SCN1A: variants seen among roughly 807,000 people sequenced by gnomAD.
The protein encoded by SCN1A is sodium voltage-gated channel alpha subunit 1, also known as sodium channel protein type 1 subunit alpha.
A neutral mutation model predicts 193.7 loss-of-function variants in SCN1A; 13 were observed. The observed-to-expected ratio is 0.07, with a 90% CI of 0.04 to 0.11. The LOEUF is 0.11. Ranked by LOEUF, SCN1A falls within the 10% of genes least tolerant of loss-of-function variation. The pLI is 1.00. For synonymous variants in SCN1A, 781 were observed against 843.6 expected, an observed-to-expected ratio of 0.93 and a Z score of 1.29; for missense variants, 1,432 against 2,451.1, an observed-to-expected ratio of 0.58 and a Z score of 8.78.
At chr2:166,040,651 G>A (rs1454247080) in intron 16 of SCN1A, among the ~76,000 whole-genome samples, 1 of 152,144 alleles carries the variant, frequency 6.6e-6, no homozygotes, top group Non-Finnish European at 1.5e-5. Flanking sequence ...AATAATTTAT[G>A]TTTTTGAAGC....
chr2:166,106,900 T>TG (rs1459495081), intron 2 of SCN1A, among the ~76,000 whole-genome samples: 1 of 152,132 alleles, frequency 6.6e-6, no homozygotes, highest in Non-Finnish European at 1.5e-5. Context: ...AAAAATGCTT[T>TG]AAGTGCCCAA....
At chr2:165,993,913 A>G in intron 28 of SCN1A, 1 of 567,132 alleles carries the variant, frequency 1.8e-6, no homozygotes, top group East Asian at 2.8e-5. Flanking sequence ...GTTCAAATGA[A>G]TGAGGTTTTA....
intron 8 of SCN1A, among the ~76,000 whole-genome samples, chr2:166,052,206 G>A (rs1241362650): frequency 6.6e-6 from 1 of 151,964 alleles, no homozygotes; most frequent in Non-Finnish European, 1.5e-5. Context: ...ATCCCATTAT[G>A]TCGAGATAGA....
At chr2:166,089,130 T>A (rs1183804253) in intron 2 of SCN1A, among the ~76,000 whole-genome samples, 1 of 152,138 alleles carries the variant, frequency 6.6e-6, no homozygotes, top group Admixed American at 6.6e-5. Flanking sequence ...CAACCTGTCA[T>A]CTACATTGAG....
intron 1 of SCN1A, among the ~76,000 whole-genome samples, chr2:166,141,600 A>G (rs542053088): frequency 4.9e-4 from 75 of 152,252 alleles, no homozygotes; most frequent in Non-Finnish European, 9.7e-4. Flanking sequence ...AAGTTACATA[A>G]TTTATCTCTA....
At chr2:166,086,923 C>G (rs1328503931) in intron 2 of SCN1A, among the ~76,000 whole-genome samples, 1 of 152,122 alleles carries the variant, frequency 6.6e-6, no homozygotes, top group Non-Finnish European at 1.5e-5. Flanking sequence ...TCCAGCACAT[C>G]TGTCACAGCA....
chr2:166,033,361 A>T (rs765244775), intron 19 of SCN1A, among the ~76,000 whole-genome samples: 3 of 152,146 alleles, frequency 2.0e-5, no homozygotes, highest in Non-Finnish European at 4.4e-5. Flanking sequence ...AGGTGGCAAA[A>T]GCTTCATTTA....
In SCN1A at chr2:166,024,978, A is replaced by G. The variant is rs924201292; in HGVS notation, c.3430-9251T>C. ...CTTTTGCCTATTTTTCTATTGGAGT[A>G]TTAGTGTTCTTATTTGATTGCAATT... is the stretch of plus-strand genomic sequence containing the variant. On this transcript the variant is annotated intron_variant, in intron 19 of 28. Transcript: ENST00000674923. Among the ~76,000 whole-genome samples, 4 of 152,190 alleles carry G rather than the reference A, an allele frequency of 2.6e-5. No homozygotes were observed. In the East Asian group the frequency reaches 5.8e-4, roughly 22 times the overall value.
At chr2:166,035,956 G>T in intron 19 of SCN1A, 92 bp downstream of exon 19, 7 of 1,326,744 alleles carry the variant, frequency 5.3e-6, no homozygotes, top group Non-Finnish European at 7.4e-6. Flanking sequence ...AAAATCTTAA[G>T]TCAAAACATC....
In SCN1A at chr2:166,012,151, A is replaced by G. The variant is rs1303080207; in HGVS notation, c.3837T>C (p.Tyr1279=). 3 of 1,610,260 alleles carry G rather than the reference A, an allele frequency of 1.9e-6. No homozygotes were observed. The South Asian group carries it at 3.3e-5, about 18-fold the overall frequency. Residue 1279 remains tyrosine, a synonymous_variant, in exon 22 of 29, where the codon TAT becomes TAC. Coordinates refer to ENST00000674923, the MANE Select transcript of SCN1A (RefSeq NM_001165963.4). ...CCAGCCAACACCAGGCATTGGTGAAATATGTTTGATAGCCATATGCCACCC... is the reference window on the plus strand; with the variant it reads ...CCAGCCAACACCAGGCATTGGTGAAGTATGTTTGATAGCCATATGCCACCC... ...LKWVAYGYQT[Y]FTNAWCWLDF...
At position 165,992,340 on chromosome 2, in the gene SCN1A, T is replaced by G; in HGVS notation, c.4935A>C (p.Arg1645=). Reference sequence around the variant, plus strand: ...TTGCTCCTTTGATCAGACGTAGGATTCGGCCAATCCTAGCAAGACGGATCA... The same window carrying G: ...TTGCTCCTTTGATCAGACGTAGGATGCGGCCAATCCTAGCAAGACGGATCA... ...FRVIRLARIG[R]ILRLIKGAKG... is the part of the protein sequence containing the mutation. Residue 1645 remains arginine, a synonymous_variant, in exon 29 of 29, where the codon CGA becomes CGC. Transcript: ENST00000674923. This position sits in a 1 kb window ranked among gnomAD's most constrained non-coding sequence, Gnocchi z 6.5. 2 of 1,613,706 alleles carry G rather than the reference T, an allele frequency of 1.2e-6. No homozygotes were observed. Among genetic ancestry groups the G allele is most frequent in the Non-Finnish European group, 1.7e-6 (2 of 1,179,816 alleles).
chr2:166,095,537 C>G (rs1687282528), intron 2 of SCN1A, among the ~76,000 whole-genome samples: 1 of 152,122 alleles, frequency 6.6e-6, no homozygotes, highest in African/African-American at 2.4e-5. Context: ...CCCATGATCC[C>G]ATGATTCTCC....
intron 14 of SCN1A, among the ~76,000 whole-genome samples, chr2:166,042,940 C>A (rs1241756156): frequency 6.6e-6 from 1 of 152,182 alleles, no homozygotes; most frequent in Non-Finnish European, 1.5e-5. Context: ...GCATGGACAA[C>A]AGTTTCATCC....
Position 166,126,926 on chromosome 2 carries a change from C to T in SCN1A, c.-144G>A, listed in dbSNP as rs1288440534. ...GGGTCGGGTCTTTAAACACATACCT[C>T]AAACAGGTAGGAGTCAGGAAATCCA... On this transcript the variant is annotated splice_region_variant and 5_prime_UTR_variant, in exon 2 of 29. Coordinates refer to ENST00000674923, the MANE Select transcript of SCN1A (RefSeq NM_001165963.4). The T allele has an allele frequency of 5.9e-5, 9 of 152,196 alleles. No individual in the cohort carries two copies. The highest frequency in any genetic ancestry group is 5.9e-4 in the Admixed American group (9 of 15,278). The allele number at this position is 152,196 out of a possible 1,614,324, so 9.4% of individuals were successfully genotyped here.
chr2:166,123,223 CAAAAAAAAAAAAAAAAAAAAAAAA>C (rs57488795), intron 2 of SCN1A, among the ~76,000 whole-genome samples: 54 of 116,352 alleles, frequency 4.6e-4, no homozygotes, highest in Middle Eastern at 4.8e-3. Flanking sequence ...CATTCATTTG[CAAAAAAAAAAAAAAAAAAAAAAAA>C]AAAAAAAAAA....
intron 4 of SCN1A, among the ~76,000 whole-genome samples, chr2:166,073,124 C>T (rs1684629028): frequency 6.6e-6 from 1 of 152,100 alleles, no homozygotes; most frequent in African/African-American, 2.4e-5. Flanking sequence ...AGGCTTGAGC[C>T]ACCGCACCTG....
intron 2 of SCN1A, among the ~76,000 whole-genome samples, chr2:166,101,460 GTAAC>G (rs1688066122): frequency 6.7e-6 from 1 of 149,502 alleles, no homozygotes; most frequent in Non-Finnish European, 1.5e-5. Context: ...GTATACATAT[GTAAC>G]TAACCTGCAC....
At chr2:166,118,705 A>C (rs1253188464) in intron 2 of SCN1A, among the ~76,000 whole-genome samples, 1 of 152,150 alleles carries the variant, frequency 6.6e-6, no homozygotes, top group East Asian at 1.9e-4. Context: ...GTGAAGTCTC[A>C]AAGTAACTCT....
intron 23 of SCN1A, among the ~76,000 whole-genome samples, chr2:166,004,111 T>A (rs1363121922): frequency 6.6e-6 from 1 of 151,616 alleles, no homozygotes; most frequent in Admixed American, 6.6e-5. Flanking sequence ...ACGTGACACT[T>A]TGCCTTATCT....
Sources: gnomAD v4.1 joint callset for allele counts (sites outside exome capture counted in the v4.1 genomes callset) on GRCh38, gnomAD v4.1.1 for gene constraint, Gnocchi (gnomAD v3.1) non-coding constraint, MANE v1.5 for transcripts, NCBI Gene and HGNC (gene_info 2026-07-23, HGNC 2026-07-21) for gene names.